KAZN: variants seen among roughly 807,000 people sequenced by gnomAD.
KAZN encodes the protein kazrin, periplakin interacting protein.
In KAZN, 40 loss-of-function variants were observed where a neutral mutation model predicts 87.4. That is an observed-to-expected ratio of 0.46 (90% CI 0.36 to 0.60). The LOEUF (loss-of-function observed/expected upper bound fraction) is 0.60. Ranked by LOEUF, KAZN falls within the 20% of genes least tolerant of loss-of-function variation. KAZN has a pLI of 0.00. For synonymous variants in KAZN, 466 were observed against 458.3 expected (o/e 1.02, Z -0.22); for missense variants, 898 against 1,073.9 (o/e 0.84, Z 2.29).
chr1:14,471,909 G>T (rs1668475344), intron 2 of KAZN, among the ~76,000 whole-genome samples: 2 of 152,194 alleles, frequency 1.3e-5, no homozygotes, highest in South Asian at 4.1e-4. Flanking sequence ...CTAGGACTAT[G>T]TATTAGTCTC....
intron 1 of KAZN, among the ~76,000 whole-genome samples, chr1:14,760,176 C>T (rs1644699927): frequency 1.3e-5 from 2 of 152,124 alleles, no homozygotes; most frequent in African/African-American, 4.8e-5. Context: ...GCTTCCCTTC[C>T]TTCCCCAACC....
intron 1 of KAZN, among the ~76,000 whole-genome samples, chr1:13,945,809 A>C (rs1641129448): frequency 1.3e-5 from 2 of 151,906 alleles, no homozygotes; most frequent in African/African-American, 4.8e-5. Flanking sequence ...GAACTGGGAT[A>C]TTGGAATGCT....
intron 2 of KAZN, among the ~76,000 whole-genome samples, chr1:14,974,140 G>A (rs1282107362): frequency 6.6e-6 from 1 of 151,372 alleles, no homozygotes; most frequent in Admixed American, 6.6e-5. Flanking sequence ...CTTTGTACAT[G>A]GATGCTAAGG....
At chr1:14,003,134 A>G (rs1639873676) in intron 1 of KAZN, among the ~76,000 whole-genome samples, 1 of 152,110 alleles carries the variant, frequency 6.6e-6, no homozygotes, top group Admixed American at 6.5e-5. Flanking sequence ...GTTCTTACTC[A>G]TAAGTGGGAG....
chr1:14,964,495 C>T (rs955010811), intron 2 of KAZN, among the ~76,000 whole-genome samples: 3 of 152,132 alleles, frequency 2.0e-5, no homozygotes, highest in African/African-American at 7.2e-5. Flanking sequence ...CCTTCAGCCA[C>T]CACGAGCATC....
At chr1:14,883,749 G>A (rs1022276484) in intron 1 of KAZN, among the ~76,000 whole-genome samples, 1 of 152,108 alleles carries the variant, frequency 6.6e-6, no homozygotes, top group Non-Finnish European at 1.5e-5. Context: ...ATCAGACAGG[G>A]GGCCTACCTT....
intron 2 of KAZN, among the ~76,000 whole-genome samples, chr1:14,342,921 A>G (rs183635581): frequency 1.3e-4 from 20 of 152,208 alleles, no homozygotes; most frequent in Admixed American, 5.2e-4. Context: ...TGGGAGAATC[A>G]CCTGAGGTCA....
At chr1:14,151,694 A>C (rs1394147302) in intron 1 of KAZN, among the ~76,000 whole-genome samples, 3 of 152,240 alleles carry the variant, frequency 2.0e-5, no homozygotes, top group Non-Finnish European at 4.4e-5. Flanking sequence ...AAGTGGGCAT[A>C]TTTTTATAGC....
chr1:14,165,530 C>T (rs1369333984), intron 1 of KAZN, among the ~76,000 whole-genome samples: 4 of 152,180 alleles, frequency 2.6e-5, no homozygotes, highest in African/African-American at 7.2e-5. Context: ...CTGAGCTCCA[C>T]AAGGCTGCAT....
chr1:13,937,840 T>C (rs1194257960), intron 1 of KAZN, among the ~76,000 whole-genome samples: 1 of 152,210 alleles, frequency 6.6e-6, no homozygotes, highest in Non-Finnish European at 1.5e-5. Flanking sequence ...GTTGTAGGTA[T>C]GTGGCTGTAT....
chr1:14,092,517 G>A (rs1644023151), intron 1 of KAZN, among the ~76,000 whole-genome samples: 3 of 148,790 alleles, frequency 2.0e-5, no homozygotes, highest in East Asian at 1.9e-4. Context: ...ACCACTGCAT[G>A]TATGTGTGTA....
chr1:14,510,980 C>T (rs1295770694), intron 2 of KAZN, among the ~76,000 whole-genome samples: 3 of 152,080 alleles, frequency 2.0e-5, no homozygotes, highest in African/African-American at 7.2e-5. Context: ...GAGGTCTCTT[C>T]GTCGCTCAAG....
At chr1:13,965,438 A>G (rs1401274657) in intron 1 of KAZN, among the ~76,000 whole-genome samples, 1 of 152,170 alleles carries the variant, frequency 6.6e-6, no homozygotes, top group Non-Finnish European at 1.5e-5. Flanking sequence ...ATGTTCAACA[A>G]TGGAAAGTGG....
At chr1:14,467,674 CAAA>C (rs36034022) in intron 2 of KAZN, among the ~76,000 whole-genome samples, 7 of 77,336 alleles carry the variant, frequency 9.1e-5, no homozygotes, top group Admixed American at 1.5e-4. Flanking sequence ...ATCCAAAAGG[CAAA>C]AAAAAAAAAA....
chr1:14,229,074 G>A (rs1013277695), intron 2 of KAZN, among the ~76,000 whole-genome samples: 3 of 152,204 alleles, frequency 2.0e-5, no homozygotes, highest in African/African-American at 7.2e-5. Flanking sequence ...TACTAATGAG[G>A]TGCCTTCATT....
chr1:14,152,819 G>T (rs1387671618), intron 1 of KAZN, among the ~76,000 whole-genome samples: 3 of 152,170 alleles, frequency 2.0e-5, no homozygotes, highest in Non-Finnish European at 2.9e-5. Flanking sequence ...AATGTACAAG[G>T]GTTCCCTTTT....
At position 14,259,922 on chromosome 1, in the gene KAZN, C is replaced by A. The variant is rs182660783; in HGVS notation, c.249+79330C>A. On this transcript the variant is annotated intron_variant, in intron 2 of 16. Coordinates refer to the KAZN transcript ENST00000636203. Reference sequence around the variant, plus strand: ...CTCTCCCCTTGAACATATAAATGGGCTGTTACCAAAGTGCAAGGTTTTATT... The same window carrying A: ...CTCTCCCCTTGAACATATAAATGGGATGTTACCAAAGTGCAAGGTTTTATT... 2.6e-5 allele frequency among the ~76,000 whole-genome samples: 4 copies of A among 152,322 alleles called. No homozygotes were observed. In the East Asian group the frequency reaches 7.7e-4, roughly 29 times the overall value.
At chr1:14,368,756 G>T (rs903213101) in intron 2 of KAZN, among the ~76,000 whole-genome samples, 6 of 152,146 alleles carry the variant, frequency 3.9e-5, no homozygotes, top group African/African-American at 7.2e-5. Context: ...TTCAACAATC[G>T]ATTTTTATAG....
chr1:14,999,509 C>T (rs1240921756), intron 2 of KAZN, among the ~76,000 whole-genome samples: 1 of 135,042 alleles, frequency 7.4e-6, no homozygotes, highest in East Asian at 2.1e-4. Flanking sequence ...CCTCCCCCCG[C>T]CCCGCCATCC....
Sources: allele counts gnomAD v4.1 joint callset (sites outside exome capture counted in the v4.1 genomes callset), GRCh38; gene constraint gnomAD v4.1.1; transcripts MANE v1.5; gene names NCBI Gene and HGNC (gene_info 2026-07-23, HGNC 2026-07-21).